Variants in CNGB3 observed in about 807,000 individuals in gnomAD.
CNGB3 encodes the protein cyclic nucleotide-gated channel beta-3.
A neutral mutation model predicts 92.8 loss-of-function variants in CNGB3; 86 were observed. The ratio of observed to expected loss-of-function variants is 0.93; its 90% CI spans 0.78 to 1.11. CNGB3 has a LOEUF of 1.11. CNGB3 is among the 50% of genes least tolerant of loss of function. The pLI, the probability that CNGB3 is intolerant of heterozygous loss-of-function variation, is 0.00. For missense variants in CNGB3, 1,026 were observed against 956.8 expected, an observed-to-expected ratio of 1.07 and a Z score of -0.95; for synonymous variants, 333 against 332.7, an observed-to-expected ratio of 1.00 and a Z score of -0.01.
chr8:86,643,153 T>A (rs1823224130), intron 10 of CNGB3, among the ~76,000 whole-genome samples: 1 of 151,252 alleles, frequency 6.6e-6, no homozygotes, highest in Admixed American at 6.6e-5. Flanking sequence ...TATTTTCTAT[T>A]CTATTATTCT....
At chr8:86,597,746 G>A (rs1269688192) in intron 15 of CNGB3, among the ~76,000 whole-genome samples, 6 of 152,124 alleles carry the variant, frequency 3.9e-5, no homozygotes, top group South Asian at 2.1e-4. Context: ...CTGGGAGGCC[G>A]AGGCAGGTGG....
At chr8:86,685,572 T>C (rs1225362244) in intron 3 of CNGB3, among the ~76,000 whole-genome samples, 1 of 152,134 alleles carries the variant, frequency 6.6e-6, no homozygotes, top group African/African-American at 2.4e-5. Flanking sequence ...TCTGGAATGC[T>C]AGCTGTGTCT....
chr8:86,655,075 C>T (rs112265466), intron 6 of CNGB3, among the ~76,000 whole-genome samples: 448 of 152,206 alleles, frequency 2.9e-3, no homozygotes, highest in Non-Finnish European at 5.2e-3. Flanking sequence ...TCCGAGTATC[C>T]TATGAGCAAT....
intron 7 of CNGB3, among the ~76,000 whole-genome samples, chr8:86,648,671 T>C (rs542785174): frequency 6.6e-5 from 10 of 151,232 alleles, no homozygotes; most frequent in Non-Finnish European, 1.0e-4. Context: ...TAATTATTCA[T>C]TTTTATTAAA....
chr8:86,590,502 G>A (rs996293774), intron 15 of CNGB3, among the ~76,000 whole-genome samples: 91 of 152,080 alleles, frequency 6.0e-4, no homozygotes, highest in Non-Finnish European at 1.1e-3. Flanking sequence ...CATGTTTAGC[G>A]CTTCCTTCAG....
Position 86,670,941 on chromosome 8 carries a change from T to C in CNGB3, c.493+3A>G. The C allele has an allele frequency of 6.2e-7, 1 of 1,612,288 alleles. No individual in the cohort carries two copies. Among genetic ancestry groups the C allele is most frequent in the Non-Finnish European group, 8.5e-7 (1 of 1,179,958 alleles). ...CCCAGTACTTGGAGGGAGCAATGCT[T>C]ACCAGTTTGTGGGCTGGCTTCGGGT... On this transcript the variant is annotated splice_donor_region_variant and intron_variant, in intron 4 of 17. Transcript: ENST00000320005.
chr8:86,686,221 C>A (rs181474648), intron 3 of CNGB3, among the ~76,000 whole-genome samples: 1 of 152,162 alleles, frequency 6.6e-6, no homozygotes, highest in Non-Finnish European at 1.5e-5. Flanking sequence ...CTGTATTACA[C>A]TGAATATTCA....
intron 13 of CNGB3, among the ~76,000 whole-genome samples, chr8:86,616,329 C>T (rs1340184567): frequency 6.6e-6 from 1 of 152,128 alleles, no homozygotes; most frequent in Non-Finnish European, 1.5e-5. Flanking sequence ...TGAAAAGATG[C>T]CACTAGCTTT....
chr8:86,695,996 A>G (rs1357882789), intron 3 of CNGB3, among the ~76,000 whole-genome samples: 1 of 152,010 alleles, frequency 6.6e-6, no homozygotes, highest in Non-Finnish European at 1.5e-5. Flanking sequence ...CTGTGATTTG[A>G]TCTATCTTCA....
At chr8:86,640,427 A>T (rs1271892381) in intron 10 of CNGB3, among the ~76,000 whole-genome samples, 2 of 152,068 alleles carry the variant, frequency 1.3e-5, no homozygotes, top group African/African-American at 4.8e-5. Flanking sequence ...AAATCAGGAG[A>T]GAGAGAAAGA....
At chr8:86,612,276 T>C (rs967625494) in intron 13 of CNGB3, among the ~76,000 whole-genome samples, 1 of 152,160 alleles carries the variant, frequency 6.6e-6, no homozygotes, top group Non-Finnish European at 1.5e-5. Context: ...AAACACTGTT[T>C]GGCTATAGGT....
At chr8:86,601,860 C>G (rs1822310573) in intron 15 of CNGB3, among the ~76,000 whole-genome samples, 1 of 152,148 alleles carries the variant, frequency 6.6e-6, no homozygotes, top group South Asian at 2.1e-4. Flanking sequence ...TTTGTCTGTT[C>G]TACTGGTTTC....
chr8:86,719,233 G>A (rs1320771224), intron 3 of CNGB3, among the ~76,000 whole-genome samples: 5 of 151,992 alleles, frequency 3.3e-5, no homozygotes, highest in East Asian at 1.9e-4. Flanking sequence ...TCAGACTGTC[G>A]CTATTTGCTG....
At chr8:86,591,558 A>C (rs1309952649) in intron 15 of CNGB3, among the ~76,000 whole-genome samples, 12 of 151,482 alleles carry the variant, frequency 7.9e-5, no homozygotes, top group Non-Finnish European at 1.6e-4. Context: ...TCCTTCTAAC[A>C]GACAGGACCC....
chr8:86,632,738 C>T lies in CNGB3; in HGVS notation c.1320+14G>A, dbSNP rs993565260. ...TGACAGCACTGTGTATCCAGTGATTCATACTCAGCTTACCTGACCAATTAA... is the reference window on the plus strand; with the variant it reads ...TGACAGCACTGTGTATCCAGTGATTTATACTCAGCTTACCTGACCAATTAA... On this transcript the variant is annotated intron_variant, in intron 11 of 17. Coordinates refer to ENST00000320005, the MANE Select transcript of CNGB3 (RefSeq NM_019098.5). 2 of 1,612,478 alleles carry T rather than the reference C, an allele frequency of 1.2e-6. No homozygotes were observed. Among genetic ancestry groups the T allele is most frequent in the Non-Finnish European group, 1.7e-6 (2 of 1,179,378 alleles).
intron 6 of CNGB3, chr8:86,659,549 C>A: frequency 1.7e-6 from 1 of 586,602 alleles, no homozygotes; most frequent in Non-Finnish European, 3.2e-6. Flanking sequence ...TTGGTTAACT[C>A]TTTGTTGTAT....
chr8:86,729,226 A>G (rs1407700560), intron 2 of CNGB3, among the ~76,000 whole-genome samples: 1 of 152,134 alleles, frequency 6.6e-6, no homozygotes, highest in East Asian at 1.9e-4. Flanking sequence ...AGCCACATGG[A>G]TATAAGCTGC....
intron 15 of CNGB3, among the ~76,000 whole-genome samples, chr8:86,579,896 T>G (rs1427936495): frequency 6.6e-6 from 1 of 152,188 alleles, no homozygotes; most frequent in East Asian, 1.9e-4. Flanking sequence ...TAGTAACAGT[T>G]CCTTTGCTGT....
chr8:86,706,682 A>G (rs1824658090), intron 3 of CNGB3, among the ~76,000 whole-genome samples: 1 of 152,220 alleles, frequency 6.6e-6, no homozygotes, highest in Non-Finnish European at 1.5e-5. Flanking sequence ...TGAGTCTTAA[A>G]TCGTGTCCTA....
Sources: allele counts gnomAD v4.1 joint callset (sites outside exome capture counted in the v4.1 genomes callset), GRCh38; gene constraint gnomAD v4.1.1; transcripts MANE v1.5; gene names NCBI Gene and HGNC (gene_info 2026-07-23, HGNC 2026-07-21).